Variants in SNX9 observed in about 807,000 individuals in gnomAD.
SNX9 encodes the protein sorting nexin-9.
In SNX9, 44 loss-of-function variants were observed where a neutral mutation model predicts 89.4. That is an observed-to-expected ratio of 0.49 (90% CI 0.39 to 0.63). The LOEUF is 0.63. SNX9 is among the 30% of genes least tolerant of loss of function. The probability of loss-of-function intolerance (pLI) is 0.00; values close to 1 mark genes in which losing one functional copy is unlikely to be tolerated. For synonymous variants in SNX9, 236 were observed against 247.8 expected, an observed-to-expected ratio of 0.95 and a Z score of 0.45; for missense variants, 578 against 736.1, an observed-to-expected ratio of 0.79 and a Z score of 2.49.
intron 1 of SNX9, among the ~76,000 whole-genome samples, chr6:157,824,090 T>C (rs1781295684): frequency 6.6e-6 from 1 of 152,254 alleles, no homozygotes; most frequent in South Asian, 2.1e-4. Flanking sequence ...GGGAAATGAC[T>C]GTGCTTTCGA....
At chr6:157,920,375 CA>C (rs1783559079) in intron 9 of SNX9, among the ~76,000 whole-genome samples, 1 of 152,200 alleles carries the variant, frequency 6.6e-6, no homozygotes, top group African/African-American at 2.4e-5. Flanking sequence ...CCACTGACAC[CA>C]CCATTGAACA....
intron 1 of SNX9, among the ~76,000 whole-genome samples, chr6:157,845,399 C>T (rs1317629248): frequency 6.6e-6 from 1 of 152,208 alleles, no homozygotes; most frequent in Non-Finnish European, 1.5e-5. Flanking sequence ...GTGCGAGCCA[C>T]CGTGCCCGGC....
intron 1 of SNX9, among the ~76,000 whole-genome samples, chr6:157,834,169 T>G (rs1010910749): frequency 0.014 from 1,625 of 119,448 alleles, 79 homozygotes; most frequent in African/African-American, 0.05. Flanking sequence ...TTTTTTTTTT[T>G]TTTTTTTTTT....
rs1343569786 is a variant in SNX9, at chr6:157,853,929, T to TGAGAC, written c.13-13618_13-13617insGAGAC. On this transcript the variant is annotated intron_variant, in intron 1 of 17. Coordinates refer to ENST00000392185, the MANE Select transcript of SNX9 (RefSeq NM_016224.5). ...GCACAGGCAGTTTGAGACCAAGACT[T>TGAGAC]TAAGGAATTGGTCCAAGTTTTCAAG... Among the ~76,000 whole-genome samples the TGAGAC allele has an allele frequency of 8.5e-5, 13 of 152,366 alleles. No individual in the cohort carries two copies. In the East Asian group the frequency reaches 2.5e-3, roughly 29 times the overall value.
chr6:157,851,956 C>T (rs1011918612), intron 1 of SNX9, among the ~76,000 whole-genome samples: 1 of 152,200 alleles, frequency 6.6e-6, no homozygotes, highest in Non-Finnish European at 1.5e-5. Context: ...TGTAATGTAG[C>T]ATGTATCCGA....
chr6:157,939,085 G>A (rs77517242), intron 16 of SNX9, among the ~76,000 whole-genome samples: 472 of 152,062 alleles, frequency 3.1e-3, no homozygotes, highest in Middle Eastern at 0.014. Flanking sequence ...CGTGCCTTGG[G>A]ATCATGGAAT....
chr6:157,903,379 C>CTTTTGACT (rs1783146798), intron 6 of SNX9, among the ~76,000 whole-genome samples: 2 of 152,180 alleles, frequency 1.3e-5, no homozygotes. Context: ...AATGAGTTCT[C>CTTTTGACT]TTTTGACTGC....
chr6:157,925,018 A>G (rs953437784), intron 10 of SNX9, among the ~76,000 whole-genome samples: 4 of 152,210 alleles, frequency 2.6e-5, no homozygotes, highest in African/African-American at 9.6e-5. Context: ...TATGACATGA[A>G]AAAGACTATG....
At chr6:157,835,959 C>T (rs1347883263) in intron 1 of SNX9, among the ~76,000 whole-genome samples, 1 of 152,138 alleles carries the variant, frequency 6.6e-6, no homozygotes, top group Non-Finnish European at 1.5e-5. Context: ...AGAAGGGTCT[C>T]ACTCTGTTGC....
chr6:157,842,619 G>A (rs1172287667), intron 1 of SNX9, among the ~76,000 whole-genome samples: 1 of 152,164 alleles, frequency 6.6e-6, no homozygotes, highest in Non-Finnish European at 1.5e-5. Context: ...GAAGTGGGGA[G>A]TGCTGATTGG....
intron 12 of SNX9, 139 bp downstream of exon 12, chr6:157,928,841 C>G: frequency 1.7e-6 from 1 of 599,782 alleles, no homozygotes; most frequent in East Asian, 3.5e-5. Context: ...TCCTGTGATT[C>G]TGCTTGATCT....
intron 4 of SNX9, chr6:157,885,135 TTA>T (rs1208690093): frequency 6.6e-6 from 1 of 152,214 alleles, no homozygotes; most frequent in Non-Finnish European, 1.5e-5. Flanking sequence ...TTAATTATCT[TTA>T]TTTAAAAAAT....
intron 6 of SNX9, among the ~76,000 whole-genome samples, chr6:157,904,659 G>A (rs1027316279): frequency 1.5e-4 from 23 of 152,054 alleles, no homozygotes; most frequent in African/African-American, 5.3e-4. Context: ...ACAGTGAGCC[G>A]AGATCGCGCC....
chr6:157,874,924 A>G, intron 3 of SNX9, 127 bp from the exon 4 acceptor site: 1 of 1,007,962 alleles, frequency 9.9e-7, no homozygotes, highest in Non-Finnish European at 1.4e-6. Flanking sequence ...CGGCAAAAGC[A>G]GTGCTTACAG....
chr6:157,835,371 C>G (rs1009983693), intron 1 of SNX9, among the ~76,000 whole-genome samples: 2 of 151,418 alleles, frequency 1.3e-5, no homozygotes, highest in Non-Finnish European at 2.9e-5. Flanking sequence ...TATATAATGA[C>G]CAAAAGCAAA....
intron 16 of SNX9, among the ~76,000 whole-genome samples, chr6:157,939,787 A>G (rs1663480761): frequency 6.6e-6 from 1 of 152,224 alleles, no homozygotes; most frequent in African/African-American, 2.4e-5. Flanking sequence ...AGAAATACAA[A>G]GCTTTGTATA....
chr6:157,941,075 T>A, intron 17 of SNX9, 101 bp downstream of exon 17: 2 of 1,050,602 alleles, frequency 1.9e-6, no homozygotes, highest in Non-Finnish European at 2.8e-6. Context: ...TCTTTAATCC[T>A]AAGTAATAAA....
chr6:157,927,847 C>T (rs1783727512), intron 11 of SNX9, among the ~76,000 whole-genome samples: 1 of 151,214 alleles, frequency 6.6e-6, no homozygotes, highest in Non-Finnish European at 1.5e-5. Flanking sequence ...CTGCCTCAGC[C>T]TCTCGAGTAG....
rs371444861 is a variant in SNX9, at chr6:157,927,081, A to G, written c.1081-30A>G. 4.4e-5 allele frequency: 68 copies of G among 1,562,446 alleles called. No individual in the cohort carries two copies. The African/African-American group carries it at 5.9e-4, about 14-fold the overall frequency. ...GAAGACCAGTTTGACTGTGCTCTCC[A>G]CTTGAACCTTACAACATTCTCATTT... On this transcript the variant is annotated intron_variant, in intron 10 of 17. Transcript: ENST00000392185.
Sources: gnomAD v4.1 joint callset for allele counts (sites outside exome capture counted in the v4.1 genomes callset) on GRCh38, gnomAD v4.1.1 for gene constraint, MANE v1.5 for transcripts, NCBI Gene and HGNC (gene_info 2026-07-23, HGNC 2026-07-21) for gene names.